Variants in CANX observed in about 807,000 individuals in gnomAD.
CANX encodes epididymis secretory sperm binding protein.
CANX carries 14 observed loss-of-function variants against 75.7 expected under a neutral mutation model. The ratio of observed to expected loss-of-function variants is 0.19; its 90% CI spans 0.12 to 0.29. The LOEUF is 0.29. CANX is among the 10% of genes least tolerant of loss of function. CANX has a pLI of 1.00. For missense variants in CANX, 567 were observed against 713.2 expected (o/e 0.79, Z 2.34); for synonymous variants, 227 against 236.9 (o/e 0.96, Z 0.38).
chr5:179,681,075 T>C, intron 1 of CANX: 1 of 643,692 alleles, frequency 1.6e-6, no homozygotes, highest in South Asian at 1.7e-5. Flanking sequence ...CCACCTGCTA[T>C]GACTCACAAT....
rs1027029203 is a variant in CANX at position 179,729,716 on chromosome 5, A to G, written c.*1072A>G. On this transcript the variant is annotated 3_prime_UTR_variant, in exon 15 of 15. Coordinates refer to ENST00000247461, the MANE Select transcript of CANX (RefSeq NM_001746.4). ...AGGGTCAAAGTACAGAATAGAATAC[A>G]TTGATACAAAGTACAGAAAAATACT... 2 of 152,666 alleles carry G rather than the reference A, an allele frequency of 1.3e-5. No individual in the cohort carries two copies. The highest frequency in any genetic ancestry group is 1.3e-4 in the Admixed American group (2 of 15,280). The allele number at this position is 152,666 out of a possible 1,614,324, so 9.5% of individuals were successfully genotyped here.
Position 179,721,770 on chromosome 5 carries a change from A to G in CANX, c.1183-1034A>G, listed in dbSNP as rs145783897. 5.6e-3 allele frequency among the ~76,000 whole-genome samples: 854 copies of G among 152,238 alleles called. 10 individuals carry two copies. The highest frequency in any genetic ancestry group is 0.015 in the African/African-American group (638 of 41,546). On this transcript the variant is annotated intron_variant, in intron 10 of 14. Transcript: ENST00000247461. ...TAATCTCTACAAAGAGTGGCAATTAAAATTATTTATAATCATTAATTTCTA... is the reference window on the plus strand; with the variant it reads ...TAATCTCTACAAAGAGTGGCAATTAGAATTATTTATAATCATTAATTTCTA...
At chr5:179,712,384 TCATAAATA>T in intron 7 of CANX, among the ~76,000 whole-genome samples, 1 of 151,912 alleles carries the variant, frequency 6.6e-6, no homozygotes, top group Non-Finnish European at 1.5e-5. Context: ...TAGTTTGAGA[TCATAAATA>T]GGCATGCCTC....
chr5:179,713,193 C>A (rs1216261951), intron 7 of CANX, among the ~76,000 whole-genome samples: 1 of 151,642 alleles, frequency 6.6e-6, no homozygotes, highest in African/African-American at 2.4e-5. Flanking sequence ...GTGATTCTCC[C>A]GTCTCAGCCT....
chr5:179,678,861 G>A, intron 1 of CANX: 1 of 1,536,544 alleles, frequency 6.5e-7, no homozygotes, highest in South Asian at 1.2e-5. Flanking sequence ...GAGAGCAGCG[G>A]CGACCGCGTC....
At position 179,729,007 on chromosome 5, in the gene CANX, CAT is replaced by C. The variant is rs1288207090; in HGVS notation, c.*365_*366del. 3 of 275,938 alleles carry C rather than the reference CAT, an allele frequency of 1.1e-5. No homozygotes were observed. Among genetic ancestry groups the C allele is most frequent in the Non-Finnish European group, 1.4e-5 (2 of 140,884 alleles). The allele number at this position is 275,938 out of a possible 1,614,324, so 17.1% of individuals were successfully genotyped here. ...TAATGTATTAATCTGTTTGTGCAAA[CAT>C]AATACCACCATTTAAAAATGTTAGG... On this transcript the variant is annotated 3_prime_UTR_variant, in exon 15 of 15. Transcript: ENST00000247461.
At chr5:179,684,934 T>G (rs1388104927) in intron 1 of CANX, among the ~76,000 whole-genome samples, 1 of 126,236 alleles carries the variant, frequency 7.9e-6, no homozygotes, top group Non-Finnish European at 1.7e-5. Flanking sequence ...GTATTTTTTT[T>G]TTTTTTTTTT....
chr5:179,680,882 G>A, intron 1 of CANX: 1 of 1,536,698 alleles, frequency 6.5e-7, no homozygotes, highest in Non-Finnish European at 8.7e-7. Context: ...CCATCCCCAA[G>A]ATCTGGTTCA....
intron 10 of CANX, among the ~76,000 whole-genome samples, chr5:179,722,348 G>A (rs1006691931): frequency 6.6e-6 from 1 of 152,236 alleles, no homozygotes; most frequent in Non-Finnish European, 1.5e-5. Flanking sequence ...TTTGCTTTCA[G>A]AGTCACTGCT....
chr5:179,704,394 G>C (rs12374485), intron 1 of CANX: 68,849 of 152,038 alleles, frequency 0.45, 17,264 homozygotes, highest in South Asian at 0.63. Flanking sequence ...GGATGTGGTG[G>C]TGCACACCTG....
In CANX at chr5:179,722,981, G is replaced by A; in HGVS notation, c.1360G>A (p.Gly454Arg). The change falls in exon 11 of 15, where the codon GGA becomes AGA. Residue 454 changes from glycine (G) to arginine (R), a missense_variant. Coordinates refer to ENST00000247461, the MANE Select transcript of CANX (RefSeq NM_001746.4). ...AATAGTTGATGATTGGGCCAATGAT[G>A]GATGGGGCCTGAAGAAAGCTGCTGA... ...RRIVDDWANDGWGLKKAADGA... is the reference protein window; with the variant it reads ...RRIVDDWANDRWGLKKAADGA... 1 of 1,614,164 alleles carries A rather than the reference G, an allele frequency of 6.2e-7. No homozygotes were observed. The highest frequency in any genetic ancestry group is 8.5e-7 in the Non-Finnish European group (1 of 1,180,016).
At position 179,716,149 on chromosome 5, in the gene CANX, G is replaced by A; in HGVS notation, c.766G>A (p.Val256Met). The A allele has an allele frequency of 3.1e-6, 5 of 1,612,984 alleles. No homozygotes were observed. The highest frequency in any genetic ancestry group is 4.2e-6 in the Non-Finnish European group (5 of 1,178,934). ...TTTTGAAATACTGGTTGACCAATCT[G>A]TGGTGAATAGTGGAAATCTGCTCAA... ...NSFEILVDQS[V>M]VNSGNLLNDM... The change falls in exon 8 of 15, where the codon GTG (valine) becomes ATG (methionine). Residue 256 changes from valine to methionine, a missense_variant. Physicochemically the swap from Val to Met is conservative, Grantham distance 21. Around this residue, in one of 3 missense-constraint regions of CANX, gnomAD observed 351 missense variants for 433.8 expected, o/e 0.81. Coordinates refer to ENST00000247461, the MANE Select transcript of CANX (RefSeq NM_001746.4).
chr5:179,704,937 T>C (rs1777028422), intron 1 of CANX, among the ~76,000 whole-genome samples: 1 of 152,202 alleles, frequency 6.6e-6, no homozygotes, highest in South Asian at 2.1e-4. Flanking sequence ...TGTCTATTGA[T>C]GATATTTGAG....
rs373080398 is a variant in CANX, at chr5:179,686,526, T to C, written c.-4+7749T>C. On this transcript the variant is annotated intron_variant, in intron 1 of 14. Coordinates refer to the CANX transcript ENST00000681674. ...TCTCACTGTTGCCCAGGCTGGAGTC[T>C]ATTGGTGGTGTGATCATGGCTCACC... is the stretch of plus-strand genomic sequence containing the variant. Among the ~76,000 whole-genome samples the C allele has an allele frequency of 5.9e-5, 9 of 152,096 alleles. No individual in the cohort carries two copies. In the East Asian group the frequency reaches 1.2e-3, roughly 20 times the overall value.
intron 1 of CANX, among the ~76,000 whole-genome samples, chr5:179,682,845 C>T (rs950267744): frequency 6.6e-6 from 1 of 152,014 alleles, no homozygotes; most frequent in Non-Finnish European, 1.5e-5. Flanking sequence ...AGGCCCTTGA[C>T]ATTCTTGCTA....
chr5:179,722,699 G>T (rs1445411133), intron 10 of CANX, 105 bp from the exon 11 acceptor site: 1 of 674,366 alleles, frequency 1.5e-6, no homozygotes, highest in Non-Finnish European at 2.6e-6. Flanking sequence ...CATGAAGTTG[G>T]CATTTCTCTC....
At chr5:179,724,613 T>C in intron 12 of CANX, 44 bp from the exon 13 acceptor site, 2 of 1,558,976 alleles carry the variant, frequency 1.3e-6, no homozygotes, top group Admixed American at 3.4e-5. Flanking sequence ...TATAACATAA[T>C]ACATGAACAT....
chr5:179,720,614 A>G, intron 10 of CANX, 54 bp downstream of exon 10: 1 of 1,549,672 alleles, frequency 6.5e-7, no homozygotes. Context: ...GTATTCAGAT[A>G]GAAGTTTTAT....
At chr5:179,712,220 TAA>T (rs1777611386) in intron 7 of CANX, among the ~76,000 whole-genome samples, 1 of 152,010 alleles carries the variant, frequency 6.6e-6, no homozygotes. Context: ...GTTATATTTA[TAA>T]TTATACATAA....
Sources: allele counts gnomAD v4.1 joint callset (sites outside exome capture counted in the v4.1 genomes callset), GRCh38; gene constraint gnomAD v4.1.1; regional missense constraint gnomAD v4.1.1; transcripts MANE v1.5; gene names NCBI Gene and HGNC (gene_info 2026-07-23, HGNC 2026-07-21).